The following SASH1 variants were observed in gnomAD, a reference collection of about 807,000 sequenced individuals.
The protein encoded by SASH1 is SAM and SH3 domain containing 1.
A neutral mutation model predicts 125.2 loss-of-function variants in SASH1; 44 were observed. That is an observed-to-expected ratio of 0.35 (90% CI 0.28 to 0.45). The LOEUF (loss-of-function observed/expected upper bound fraction) is 0.45, where lower values mean the gene tolerates loss of function less well. Ranked by LOEUF, SASH1 falls within the 20% of genes least tolerant of loss-of-function variation. The pLI is 1.00. For missense variants in SASH1, 1,426 were observed against 1,614.5 expected (o/e 0.88, Z 2.00); for synonymous variants, 639 against 649.1 (o/e 0.98, Z 0.24).
chr6:148,303,990 G>A (rs2128515027), intron 1 of SASH1, among the ~76,000 whole-genome samples: 1 of 152,126 alleles, frequency 6.6e-6, no homozygotes, highest in East Asian at 1.9e-4. Context: ...TATTTAAAAG[G>A]AAGAAAGATC....
intron 1 of SASH1, among the ~76,000 whole-genome samples, chr6:148,322,912 TTCTTTTTTCTTTCTC>T (rs1157384030): frequency 8.4e-6 from 1 of 118,440 alleles, no homozygotes; most frequent in African/African-American, 3.3e-5. Context: ...CTCTCTTTCT[TTCTTTTTTCTTTCTC>T]TCTTTCTTTT....
the SASH1 span, among the ~76,000 whole-genome samples, chr6:148,262,029 C>T: frequency 6.6e-6 from 1 of 152,046 alleles, no homozygotes; most frequent in Non-Finnish European, 1.5e-5. Context: ...CATGTTTTCC[C>T]CCAGCTTCGT....
chr6:148,211,984 G>A, the SASH1 span, among the ~76,000 whole-genome samples: 1 of 152,190 alleles, frequency 6.6e-6, no homozygotes, highest in Non-Finnish European at 1.5e-5. Flanking sequence ...GCCGCTCTCG[G>A]GCATACTTGG....
chr6:148,220,536 A>G, the SASH1 span, among the ~76,000 whole-genome samples: 2 of 152,180 alleles, frequency 1.3e-5, no homozygotes, highest in African/African-American at 4.8e-5. Context: ...TTACAACTAC[A>G]CTACTAGTTG....
At chr6:148,264,962 A>T in the SASH1 span, among the ~76,000 whole-genome samples, 1 of 152,280 alleles carries the variant, frequency 6.6e-6, no homozygotes, top group Non-Finnish European at 1.5e-5. Context: ...TGTCTAGTAC[A>T]GACCACGTGC....
the SASH1 span, among the ~76,000 whole-genome samples, chr6:148,263,532 C>A: frequency 9.9e-5 from 15 of 152,168 alleles, no homozygotes; most frequent in African/African-American, 3.6e-4. Context: ...AGAAAGTCAG[C>A]CCAGGGCAAC....
At position 148,401,503 on chromosome 6, in the gene SASH1, C is replaced by G. The variant is rs373191384; in HGVS notation, c.285+11241C>G. On this transcript the variant is annotated intron_variant, in intron 2 of 19. Transcript: ENST00000367467. Reference sequence around the variant, plus strand: ...TAGAAATGGAGACTTAATTTACCAACTCTAGAATGGTATTAAGAATCTAAG... The same window carrying G: ...TAGAAATGGAGACTTAATTTACCAAGTCTAGAATGGTATTAAGAATCTAAG... Among the ~76,000 whole-genome samples, 19 of 152,264 alleles carry G rather than the reference C, an allele frequency of 1.2e-4. No homozygotes were observed. In the East Asian group the frequency reaches 2.9e-3, roughly 23 times the overall value.
the SASH1 span, among the ~76,000 whole-genome samples, chr6:148,213,554 C>T: frequency 4.4e-5 from 6 of 136,084 alleles, no homozygotes; most frequent in East Asian, 8.3e-4. Flanking sequence ...GAGAAAAGCA[C>T]GGGGAAGGGA....
chr6:148,249,009 A>T, the SASH1 span, among the ~76,000 whole-genome samples: 1 of 152,200 alleles, frequency 6.6e-6, no homozygotes, highest in African/African-American at 2.4e-5. Context: ...GGTTCCTAGA[A>T]ATTTAACAGT....
At chr6:148,491,303 T>G (rs1233650888) in intron 8 of SASH1, among the ~76,000 whole-genome samples, 1 of 152,220 alleles carries the variant, frequency 6.6e-6, no homozygotes, top group Non-Finnish European at 1.5e-5. Flanking sequence ...GGAGTCTCAC[T>G]CCGTCGCTCA....
intron 1 of SASH1, among the ~76,000 whole-genome samples, chr6:148,274,913 T>A (rs1162301949): frequency 1.3e-5 from 2 of 152,122 alleles, no homozygotes; most frequent in African/African-American, 4.8e-5. Context: ...TAGGGCAATA[T>A]CCTCTTGCCC....
intron 11 of SASH1, among the ~76,000 whole-genome samples, chr6:148,526,706 A>G (rs1781183076): frequency 6.6e-6 from 1 of 152,204 alleles, no homozygotes; most frequent in Non-Finnish European, 1.5e-5. Context: ...AGAAATTTAC[A>G]CACTGAGTGC....
At chr6:148,294,052 A>T (rs373813564) in intron 1 of SASH1, among the ~76,000 whole-genome samples, 1 of 152,208 alleles carries the variant, frequency 6.6e-6, no homozygotes. Flanking sequence ...AAGGGAATCT[A>T]TTCTCTGAAA....
chr6:148,540,382 G>A, intron 16 of SASH1, 61 bp from the exon 17 acceptor site: 1 of 1,321,172 alleles, frequency 7.6e-7, no homozygotes, highest in Admixed American at 1.8e-5. Flanking sequence ...GAGATCTGTT[G>A]ACTCTGAAAC....
chr6:148,461,433 G>A lies in SASH1; in HGVS notation c.387-7112G>A, dbSNP rs529528956. 2.0e-5 allele frequency among the ~76,000 whole-genome samples: 3 copies of A among 152,288 alleles called. No homozygotes were observed. The East Asian group carries it at 5.8e-4, about 29-fold the overall frequency. On this transcript the variant is annotated intron_variant, in intron 4 of 19. Coordinates refer to ENST00000367467, the MANE Select transcript of SASH1 (RefSeq NM_015278.5). ...GTTGTCATTGATATTGATTATTCCT[G>A]GAGTTCTAACAGTATGCCAGATTTT... is the stretch of plus-strand genomic sequence containing the variant.
the SASH1 span, among the ~76,000 whole-genome samples, chr6:148,256,090 A>C: frequency 6.6e-6 from 1 of 152,200 alleles, no homozygotes; most frequent in Non-Finnish European, 1.5e-5. Context: ...TTTACTTGAC[A>C]ATTTTGTGCC....
chr6:148,233,787 C>T, the SASH1 span, among the ~76,000 whole-genome samples: 1 of 129,012 alleles, frequency 7.8e-6, no homozygotes, highest in Non-Finnish European at 1.7e-5. Context: ...GTGGCACACA[C>T]CTGCATTCTT....
At position 148,435,524 on chromosome 6, in the gene SASH1, A is replaced by G. The variant is rs147801212; in HGVS notation, c.286-4660A>G. Among the ~76,000 whole-genome samples, 91 of 152,264 alleles carry G rather than the reference A, an allele frequency of 6.0e-4. 2 individuals carry two copies. The South Asian group carries it at 7.7e-3, about 13-fold the overall frequency. ...CATTTAGATGGAGTATCTAAATTTC[A>G]TAAATACGATTTTTCCTTATGACCA... On this transcript the variant is annotated intron_variant, in intron 2 of 19. Transcript: ENST00000367467.
At chr6:148,199,368 G>A in the SASH1 span, among the ~76,000 whole-genome samples, 36 of 143,800 alleles carry the variant, frequency 2.5e-4, no homozygotes, top group Admixed American at 6.2e-4. Flanking sequence ...GCAAGACTCC[G>A]TCTCAAGAAA....
Sources: gnomAD v4.1 joint callset for allele counts (sites outside exome capture counted in the v4.1 genomes callset) on GRCh38, gnomAD v4.1.1 for gene constraint, MANE v1.5 for transcripts, NCBI Gene and HGNC (gene_info 2026-07-23, HGNC 2026-07-21) for gene names.